Variants in RNF152 observed in about 807,000 individuals in gnomAD.
The protein encoded by RNF152 is E3 ubiquitin-protein ligase RNF152.
In RNF152, 11 loss-of-function variants were observed where a neutral mutation model predicts 12.7. That is an observed-to-expected ratio of 0.86 (90% CI 0.54 to 1.43). RNF152 has a LOEUF of 1.43. Among genes scored for constraint, RNF152 ranks in the 40% most tolerant of loss-of-function variants. The pLI is 0.00. For missense variants in RNF152, 255 were observed against 274.8 expected, an observed-to-expected ratio of 0.93 and a Z score of 0.51; for synonymous variants, 113 against 120.3, an observed-to-expected ratio of 0.94 and a Z score of 0.40.
intron 1 of RNF152, among the ~76,000 whole-genome samples, chr18:61,847,899 A>T (rs1910807617): frequency 6.6e-6 from 1 of 151,936 alleles, no homozygotes; most frequent in African/African-American, 2.4e-5. Context: ...CTCAAATATC[A>T]CTTTCTTCAG....
chr18:61,828,432 A>AT (rs150010474), intron 1 of RNF152, among the ~76,000 whole-genome samples: 7,317 of 152,070 alleles, frequency 0.048, 232 homozygotes, highest in Non-Finnish European at 0.068. Flanking sequence ...TCCAAAAAAC[A>AT]TTTTTTTGTA....
chr18:61,841,790 A>T (rs1208215559), intron 1 of RNF152, among the ~76,000 whole-genome samples: 4 of 152,226 alleles, frequency 2.6e-5, no homozygotes, highest in African/African-American at 9.6e-5. Context: ...ACGGCAGTAA[A>T]TCACTAATCC....
intron 1 of RNF152, among the ~76,000 whole-genome samples, chr18:61,890,688 C>G (rs1912917228): frequency 6.6e-6 from 1 of 152,200 alleles, no homozygotes. Context: ...TATGGAAAAG[C>G]AACATTTGTT....
chr18:61,851,245 T>C (rs151029357), intron 1 of RNF152, among the ~76,000 whole-genome samples: 314 of 152,342 alleles, frequency 2.1e-3, no homozygotes, highest in African/African-American at 7.2e-3. Flanking sequence ...AATCAAACTT[T>C]ATTTTTTATT....
At chr18:61,850,082 A>T (rs539601540) in intron 1 of RNF152, among the ~76,000 whole-genome samples, 49 of 152,268 alleles carry the variant, frequency 3.2e-4, no homozygotes, top group Non-Finnish European at 6.8e-4. Context: ...CAATCCACCT[A>T]ACTGTGGATT....
At chr18:61,887,598 G>A (rs917547110) in intron 1 of RNF152, among the ~76,000 whole-genome samples, 3 of 151,646 alleles carry the variant, frequency 2.0e-5, no homozygotes, top group African/African-American at 7.3e-5. Flanking sequence ...TACTCGAGAG[G>A]CTGAGGCAGG....
chr18:61,836,992 G>A (rs2144661863), intron 1 of RNF152, among the ~76,000 whole-genome samples: 1 of 152,296 alleles, frequency 6.6e-6, no homozygotes, highest in South Asian at 2.1e-4. Context: ...GATAAAGAGA[G>A]TTATCTTTAC....
chr18:61,837,468 T>G (rs535681001), intron 1 of RNF152, among the ~76,000 whole-genome samples: 1 of 152,338 alleles, frequency 6.6e-6, no homozygotes, highest in Non-Finnish European at 1.5e-5. Context: ...TATTCCAGGG[T>G]AAAACGTCAT....
chr18:61,857,858 G>A (rs555924023), intron 1 of RNF152, among the ~76,000 whole-genome samples: 11 of 152,260 alleles, frequency 7.2e-5, no homozygotes, highest in African/African-American at 2.2e-4. Context: ...ACATTCAAGA[G>A]CATTTTCCAA....
In RNF152 at chr18:61,814,750, C is replaced by T. The variant is rs1019224084; in HGVS notation, c.*1102G>A. ...AATCACAGGCCATTTATTAAAATGC[C>T]CGCCTGGGTTGACCATCAGTCACAA... On this transcript the variant is annotated 3_prime_UTR_variant, in exon 2 of 2. Transcript: ENST00000312828. 6.6e-6 allele frequency: 1 copy of T among 152,140 alleles called. No individual in the cohort carries two copies. The allele number at this position is 152,140 out of a possible 1,614,324, so 9.4% of individuals were successfully genotyped here.
At chr18:61,876,368 T>C (rs1464454282) in intron 1 of RNF152, among the ~76,000 whole-genome samples, 2 of 152,188 alleles carry the variant, frequency 1.3e-5, no homozygotes, top group Non-Finnish European at 2.9e-5. Context: ...AATGAACTAC[T>C]TTCTGACATG....
chr18:61,822,654 A>C (rs1422751391), intron 1 of RNF152, among the ~76,000 whole-genome samples: 1 of 152,190 alleles, frequency 6.6e-6, no homozygotes, highest in Non-Finnish European at 1.5e-5. Flanking sequence ...CACTCTTAAG[A>C]ATCTTCATAC....
chr18:61,875,802 C>A (rs903689826), intron 1 of RNF152, among the ~76,000 whole-genome samples: 1 of 152,130 alleles, frequency 6.6e-6, no homozygotes, highest in Admixed American at 6.5e-5. Flanking sequence ...CCATTCCTGC[C>A]ACCCTCCCCA....
intron 1 of RNF152, among the ~76,000 whole-genome samples, chr18:61,891,376 T>C (rs1322935654): frequency 2.0e-5 from 3 of 152,190 alleles, no homozygotes; most frequent in Non-Finnish European, 4.4e-5. Context: ...TGCATTTACA[T>C]GGGCAGGCTA....
At position 61,881,264 on chromosome 18, in the gene RNF152, T is replaced by C. The variant is rs539491703; in HGVS notation, c.-136+11531A>G. Among the ~76,000 whole-genome samples the C allele has an allele frequency of 1.3e-3, 203 of 152,276 alleles. 1 individual carries two copies. The highest frequency in any genetic ancestry group is 4.6e-3 in the African/African-American group (190 of 41,556). On this transcript the variant is annotated intron_variant, in intron 1 of 1. Transcript: ENST00000312828. ...TGTAATCAGCTTGGGGAAAACAAAATGTATTTAGCTGTTAAGTACTATAGA... is the reference window on the plus strand; with the variant it reads ...TGTAATCAGCTTGGGGAAAACAAAACGTATTTAGCTGTTAAGTACTATAGA...
At chr18:61,861,342 T>C (rs1911469045) in intron 1 of RNF152, among the ~76,000 whole-genome samples, 1 of 152,212 alleles carries the variant, frequency 6.6e-6, no homozygotes, top group African/African-American at 2.4e-5. Context: ...AAACAAATAC[T>C]TATTGTGTGT....
intron 1 of RNF152, among the ~76,000 whole-genome samples, chr18:61,879,880 G>A (rs376779683): frequency 5.3e-5 from 8 of 151,574 alleles, no homozygotes; most frequent in Non-Finnish European, 8.8e-5. Flanking sequence ...CAGGAGAATC[G>A]CTTGAACCCA....
intron 1 of RNF152, among the ~76,000 whole-genome samples, chr18:61,874,381 G>A (rs1474221521): frequency 1.3e-5 from 2 of 152,218 alleles, no homozygotes; most frequent in East Asian, 3.8e-4. Context: ...CCAAAGTGTA[G>A]TTAGCATGCA....
At chr18:61,818,021 G>T (rs4940528) in intron 1 of RNF152, among the ~76,000 whole-genome samples, 77,096 of 151,980 alleles carry the variant, frequency 0.51, 20,308 homozygotes, top group Non-Finnish European at 0.59. Flanking sequence ...CTTCACATTT[G>T]TCTTAAAAGT....
Sources: allele counts gnomAD v4.1 joint callset (sites outside exome capture counted in the v4.1 genomes callset), GRCh38; gene constraint gnomAD v4.1.1; transcripts MANE v1.5; gene names NCBI Gene and HGNC (gene_info 2026-07-23, HGNC 2026-07-21).